The following AOPEP variants were observed in gnomAD, a reference collection of about 807,000 sequenced individuals.
The protein encoded by AOPEP is aminopeptidase O (putative).
In AOPEP, 77 loss-of-function variants were observed where a neutral mutation model predicts 98.1. The observed-to-expected ratio is 0.78, with a 90% confidence interval of 0.65 to 0.95. The LOEUF is 0.95. AOPEP is among the 40% of genes least tolerant of loss of function. The pLI is 0.00. For synonymous variants in AOPEP, 346 were observed against 365.3 expected (o/e 0.95, Z 0.60); for missense variants, 1,024 against 1,024.7 (o/e 1.00, Z 0.01).
intron 13 of AOPEP, among the ~76,000 whole-genome samples, chr9:95,014,131 T>G (rs895888314): frequency 6.6e-6 from 1 of 152,206 alleles, no homozygotes; most frequent in African/African-American, 2.4e-5. Context: ...AACTTTGAAA[T>G]TTAGACAGCC....
intron 5 of AOPEP, among the ~76,000 whole-genome samples, chr9:94,879,787 G>A (rs1453211629): frequency 6.6e-6 from 1 of 152,096 alleles, no homozygotes; most frequent in Non-Finnish European, 1.5e-5. Flanking sequence ...TTATGAGTTT[G>A]GTAAATCAAA....
intron 13 of AOPEP, among the ~76,000 whole-genome samples, chr9:95,009,290 A>G (rs564681662): frequency 1.0e-2 from 137 of 13,754 alleles, no homozygotes; most frequent in Non-Finnish European, 0.019. Context: ...TTATAAATAT[A>G]TACATATAAT....
intron 5 of AOPEP, among the ~76,000 whole-genome samples, chr9:94,816,017 GGTGA>G (rs1272449773): frequency 2.0e-5 from 3 of 152,126 alleles, no homozygotes; most frequent in African/African-American, 7.2e-5. Flanking sequence ...TCAGTACTGA[GGTGA>G]GTGTTAATAT....
intron 5 of AOPEP, among the ~76,000 whole-genome samples, chr9:94,920,537 G>A (rs2053472441): frequency 6.6e-6 from 1 of 152,150 alleles, no homozygotes; most frequent in Admixed American, 6.5e-5. Flanking sequence ...ACAGCAAGAT[G>A]GGCCGTGCTG....
At chr9:94,914,976 G>A (rs1278539710) in intron 5 of AOPEP, among the ~76,000 whole-genome samples, 2 of 152,156 alleles carry the variant, frequency 1.3e-5, no homozygotes, top group Non-Finnish European at 2.9e-5. Context: ...ATTTGAGTAC[G>A]TGTGCTGTTT....
intron 5 of AOPEP, among the ~76,000 whole-genome samples, chr9:94,893,691 A>T (rs982641052): frequency 1.3e-5 from 2 of 152,104 alleles, no homozygotes; most frequent in Non-Finnish European, 2.9e-5. Flanking sequence ...CATTCAGCCT[A>T]CCTTTACTGA....
chr9:94,872,962 AAG>A (rs1334051659), intron 5 of AOPEP, among the ~76,000 whole-genome samples: 2 of 152,194 alleles, frequency 1.3e-5, no homozygotes, highest in Non-Finnish European at 2.9e-5. Flanking sequence ...AGATTTGTCA[AAG>A]AGGAACCCAG....
chr9:94,838,934 A>G (rs970985161), intron 5 of AOPEP, among the ~76,000 whole-genome samples: 3 of 90,288 alleles, frequency 3.3e-5, no homozygotes, highest in African/African-American at 4.4e-5. Flanking sequence ...TTTTTTTGAG[A>G]TGGAATCTCA....
At chr9:94,778,149 G>C (rs990650777) in intron 3 of AOPEP, among the ~76,000 whole-genome samples, 2 of 152,142 alleles carry the variant, frequency 1.3e-5, no homozygotes, top group Non-Finnish European at 2.9e-5. Context: ...AAAATACCAA[G>C]TGTTTCCAAG....
chr9:94,927,846 G>A (rs1015011717), intron 6 of AOPEP, among the ~76,000 whole-genome samples: 1 of 152,180 alleles, frequency 6.6e-6, no homozygotes, highest in Admixed American at 6.5e-5. Flanking sequence ...CACAGAGGTC[G>A]GGGCCGTGTG....
intron 10 of AOPEP, among the ~76,000 whole-genome samples, chr9:94,973,860 GC>G (rs764064022): frequency 1.3e-5 from 2 of 152,182 alleles, no homozygotes; most frequent in East Asian, 1.9e-4. Flanking sequence ...CTTGTCTGTT[GC>G]GATTATTTAA....
At chr9:95,140,987 A>G in the AOPEP span, among the ~76,000 whole-genome samples, 2 of 151,982 alleles carry the variant, frequency 1.3e-5, no homozygotes, top group Admixed American at 6.6e-5. Context: ...CTGTGACTCA[A>G]TTTGTGACCA....
At chr9:95,113,391 T>C in the AOPEP span, among the ~76,000 whole-genome samples, 4 of 152,074 alleles carry the variant, frequency 2.6e-5, no homozygotes, top group African/African-American at 9.7e-5. Flanking sequence ...AAAATTATAC[T>C]CTGAAAGAGG....
intron 13 of AOPEP, among the ~76,000 whole-genome samples, chr9:95,029,204 A>C (rs2064094751): frequency 6.6e-6 from 1 of 152,314 alleles, no homozygotes; most frequent in African/African-American, 2.4e-5. Context: ...GGGGTGCCAG[A>C]AGACCAGCCA....
In AOPEP at chr9:94,848,588, C is replaced by T. The variant is rs549269470; in HGVS notation, c.1364+47586C>T. 1.1e-3 allele frequency among the ~76,000 whole-genome samples: 161 copies of T among 151,938 alleles called. 3 individuals are homozygous for T. The highest frequency in any genetic ancestry group is 1.8e-3 in the Admixed American group (28 of 15,248). ...AGTGAGCCAAGATCACGCCACTGCA[C>T]CCCAGCCTGGGTGACAGAGGGAGAT... On this transcript the variant is annotated intron_variant, in intron 5 of 16. Transcript: ENST00000375315.
chr9:94,734,234 T>C (rs1281179063), intron 1 of AOPEP, among the ~76,000 whole-genome samples: 3 of 152,152 alleles, frequency 2.0e-5, no homozygotes, highest in African/African-American at 7.2e-5. Context: ...GCTTTCTGGC[T>C]GAAGGAAGTG....
rs1848566126 is a variant in AOPEP, at chr9:94,803,243, G to A, written c.1364+2241G>A. ...GGTAAATTAAATGGCTCTTTCCCGAGTCCATATTTTATAAACATGTATGCA... is the reference window on the plus strand; with the variant it reads ...GGTAAATTAAATGGCTCTTTCCCGAATCCATATTTTATAAACATGTATGCA... On this transcript the variant is annotated intron_variant, in intron 5 of 16. Coordinates refer to ENST00000375315, the MANE Select transcript of AOPEP (RefSeq NM_001193329.3). Among the ~76,000 whole-genome samples the A allele has an allele frequency of 2.0e-5, 3 of 152,268 alleles. No homozygotes were observed. The South Asian group carries it at 6.2e-4, about 32-fold the overall frequency.
chr9:94,932,778 C>T, intron 7 of AOPEP: 1 of 985,292 alleles, frequency 1.0e-6, no homozygotes, highest in Non-Finnish European at 1.2e-6. Context: ...ACCACTGCGC[C>T]CAGCCCAGAT....
At chr9:94,771,947 G>A (rs1443518983) in intron 2 of AOPEP, among the ~76,000 whole-genome samples, 1 of 152,050 alleles carries the variant, frequency 6.6e-6, no homozygotes, top group Non-Finnish European at 1.5e-5. Flanking sequence ...TTAAGACCTA[G>A]ACTGGTTTCT....
Sources: gnomAD v4.1 joint callset for allele counts (sites outside exome capture counted in the v4.1 genomes callset) on GRCh38, gnomAD v4.1.1 for gene constraint, MANE v1.5 for transcripts, NCBI Gene and HGNC (gene_info 2026-07-23, HGNC 2026-07-21) for gene names.